FAM118A: variants seen among roughly 807,000 people sequenced by gnomAD.
FAM118A encodes SIR2 antiphage like 2, also known as protein FAM118A.
Under a neutral mutation model 38.2 loss-of-function variants are expected in FAM118A, and 25 were observed. The observed-to-expected ratio is 0.65, with a 90% CI of 0.48 to 0.91. The LOEUF (loss-of-function observed/expected upper bound fraction) is 0.91, where lower values mean the gene tolerates loss of function less well. Ranked by LOEUF, FAM118A falls within the 40% of genes least tolerant of loss-of-function variation. The probability of loss-of-function intolerance (pLI) is 0.00; values close to 1 mark genes in which losing one functional copy is unlikely to be tolerated. For missense variants in FAM118A, 425 were observed against 463.3 expected (o/e 0.92, Z 0.76); for synonymous variants, 178 against 184.1 (o/e 0.97, Z 0.27).
At chr22:45,332,192 G>T (rs1442408854) in intron 5 of FAM118A, among the ~76,000 whole-genome samples, 2 of 152,170 alleles carry the variant, frequency 1.3e-5, no homozygotes, top group Non-Finnish European at 2.9e-5. Flanking sequence ...GGCTTAGCTG[G>T]GGACAGGCAG....
chr22:45,340,333 C>G (rs915696369), intron 8 of FAM118A, 53 bp from the exon 9 acceptor site: 4 of 1,606,774 alleles, frequency 2.5e-6, no homozygotes. Flanking sequence ...TTGCAAATAA[C>G]TTCTTTTAGC....
chr22:45,318,350 C>T (rs188690665), intron 1 of FAM118A: 17 of 152,180 alleles, frequency 1.1e-4, no homozygotes, highest in Non-Finnish European at 2.2e-4. Flanking sequence ...TGGGCCCACA[C>T]ACCGTGGTGA....
At chr22:45,330,773 A>T (rs1246224847) in intron 5 of FAM118A, 42 bp downstream of exon 5, 1 of 1,472,094 alleles carries the variant, frequency 6.8e-7, no homozygotes, top group Non-Finnish European at 9.0e-7. Flanking sequence ...CCTCTCAGGG[A>T]TTACTGGTGG....
intron 1 of FAM118A, among the ~76,000 whole-genome samples, chr22:45,314,949 G>T (rs2084540710): frequency 6.6e-6 from 1 of 152,212 alleles, no homozygotes; most frequent in Admixed American, 6.5e-5. Flanking sequence ...CTGTTAGAAG[G>T]GTTCACTATC....
At chr22:45,316,291 C>T (rs1194282725) in intron 1 of FAM118A, among the ~76,000 whole-genome samples, 9 of 152,144 alleles carry the variant, frequency 5.9e-5, no homozygotes, top group African/African-American at 1.9e-4. Context: ...CCGGCCGCCT[C>T]GGCCTCCCAA....
At chr22:45,339,738 G>C (rs897568633) in intron 8 of FAM118A, among the ~76,000 whole-genome samples, 11 of 152,314 alleles carry the variant, frequency 7.2e-5, no homozygotes, top group African/African-American at 2.6e-4. Context: ...GCTTTCTTCT[G>C]CTGTTGCTGC....
chr22:45,336,414 A>G lies in FAM118A; in HGVS notation c.1054+3A>G. The G allele has an allele frequency of 5.0e-6, 8 of 1,611,282 alleles. No individual in the cohort carries two copies. The highest frequency in any genetic ancestry group is 6.8e-6 in the Non-Finnish European group (8 of 1,177,434). ...AAAACGCACACAATCAGATACTGGT[A>G]TTGTGTCTGTTCTTTTTGTGGGGAG... On this transcript the variant is annotated splice_donor_region_variant and intron_variant, in intron 8 of 8. Transcript: ENST00000441876.
chr22:45,334,712 T>C (rs2085963051), intron 6 of FAM118A, among the ~76,000 whole-genome samples: 1 of 152,206 alleles, frequency 6.6e-6, no homozygotes, highest in Non-Finnish European at 1.5e-5. Flanking sequence ...ATTTTGAAGC[T>C]GGGATTGGGA....
At chr22:45,332,390 A>T (rs755742550) in intron 5 of FAM118A, 35 bp from the exon 6 acceptor site, 1 of 1,588,032 alleles carries the variant, frequency 6.3e-7, no homozygotes, top group South Asian at 1.2e-5. Context: ...CTGTCTTTCA[A>T]ATGAGCACTC....
chr22:45,323,063 G>GTGTT, intron 2 of FAM118A, 112 bp from the exon 3 acceptor site: 3 of 1,096,150 alleles, frequency 2.7e-6, no homozygotes, highest in Non-Finnish European at 4.0e-6. Flanking sequence ...GTGTGTGTGT[G>GTGTT]TGTGTGTGTG....
At chr22:45,320,260 G>A (rs1322379810) in intron 1 of FAM118A, among the ~76,000 whole-genome samples, 3 of 152,002 alleles carry the variant, frequency 2.0e-5, no homozygotes, top group African/African-American at 4.8e-5. Flanking sequence ...GTCAAAGATC[G>A]AGACCATCCT....
chr22:45,315,505 CTG>C (rs2084565764), intron 1 of FAM118A, among the ~76,000 whole-genome samples: 1 of 152,214 alleles, frequency 6.6e-6, no homozygotes, highest in Non-Finnish European at 1.5e-5. Context: ...GTAACAGACA[CTG>C]TACACTTTAT....
chr22:45,335,769 A>AGAAGCTTCCT (rs1389905923), intron 7 of FAM118A, among the ~76,000 whole-genome samples: 1 of 152,240 alleles, frequency 6.6e-6, no homozygotes, highest in African/African-American at 2.4e-5. Flanking sequence ...GCTTGCACAC[A>AGAAGCTTCCT]GAAGCTTCCT....
chr22:45,334,099 T>C lies in FAM118A; in HGVS notation c.938-1251T>C, dbSNP rs373562654. ...CTTTTTTCACGTAATGTATTTTCCC[T>C]GTTCTGAATGCAACACCTCTTTTAA... On this transcript the variant is annotated intron_variant, in intron 6 of 8. Coordinates refer to ENST00000441876, the MANE Select transcript of FAM118A (RefSeq NM_017911.4). Among the ~76,000 whole-genome samples the C allele has an allele frequency of 7.4e-4, 112 of 152,370 alleles. 1 individual carries two copies. Among genetic ancestry groups the C allele is most frequent in the African/African-American group, 2.5e-3 (102 of 41,592 alleles).
intron 4 of FAM118A, chr22:45,328,796 A>C (rs759524636): frequency 1.5e-4 from 39 of 267,048 alleles, no homozygotes; most frequent in Non-Finnish European, 2.4e-4. Flanking sequence ...AAAGAAAAAA[A>C]AAAAGAAATA....
chr22:45,320,512 C>A (rs1382569539), intron 1 of FAM118A, among the ~76,000 whole-genome samples: 1 of 151,902 alleles, frequency 6.6e-6, no homozygotes, highest in Non-Finnish European at 1.5e-5. Context: ...TCGTGGTTCA[C>A]TGCAGCCTCA....
At chr22:45,312,974 T>C (rs1378069499) in intron 1 of FAM118A, among the ~76,000 whole-genome samples, 1 of 152,150 alleles carries the variant, frequency 6.6e-6, no homozygotes, top group African/African-American at 2.4e-5. Flanking sequence ...TCTTTAGCCC[T>C]CTCTTCCCCA....
chr22:45,320,142 G>A (rs1287701249), intron 1 of FAM118A, among the ~76,000 whole-genome samples: 2 of 152,180 alleles, frequency 1.3e-5, no homozygotes, highest in Admixed American at 6.5e-5. Context: ...CTGGGTGTGT[G>A]TGTGTGAGTG....
intron 7 of FAM118A, among the ~76,000 whole-genome samples, chr22:45,336,055 T>C (rs1278397379): frequency 3.3e-5 from 5 of 152,200 alleles, no homozygotes; most frequent in Admixed American, 6.5e-5. Context: ...ACATCCATGT[T>C]AGTGGTGCAG....
Sources: allele counts gnomAD v4.1 joint callset (sites outside exome capture counted in the v4.1 genomes callset), GRCh38; gene constraint gnomAD v4.1.1; transcripts MANE v1.5; gene names NCBI Gene and HGNC (gene_info 2026-07-23, HGNC 2026-07-21).